Variants in RYR1 observed in about 807,000 individuals in gnomAD.
RYR1 encodes ryanodine receptor 1.
In RYR1, 342 loss-of-function variants were observed where a neutral mutation model predicts 583.5. The ratio of observed to expected loss-of-function variants is 0.59; its 90% CI spans 0.54 to 0.64. The LOEUF (loss-of-function observed/expected upper bound fraction) is 0.64. Ranked by LOEUF, RYR1 falls within the 30% of genes least tolerant of loss-of-function variation. The pLI is 0.00. For missense variants in RYR1, 6,032 were observed against 6,917.2 expected, an observed-to-expected ratio of 0.87 and a Z score of 4.54; for synonymous variants, 2,791 against 2,822.5, an observed-to-expected ratio of 0.99 and a Z score of 0.35.
intron 88 of RYR1, among the ~76,000 whole-genome samples, chr19:38,547,730 T>C (rs1972494076): frequency 6.6e-6 from 1 of 151,908 alleles, no homozygotes; most frequent in Admixed American, 6.6e-5. Context: ...TTTTTTTTTT[T>C]TTTGAGACAG....
At chr19:38,532,761 A>T in intron 78 of RYR1, 25 bp downstream of exon 78, 1 of 1,611,992 alleles carries the variant, frequency 6.2e-7, no homozygotes, top group Non-Finnish European at 8.5e-7. Flanking sequence ...GAGGTCCTGG[A>T]GGGAAGGGAT....
Position 38,433,760 on chromosome 19 carries a change from C to CA in RYR1, c.-70_-69insA. The CA allele has an allele frequency of 1.3e-6, 1 of 755,084 alleles. No homozygotes were observed. The highest frequency in any genetic ancestry group is 2.4e-6 in the Non-Finnish European group (1 of 414,124). The allele number at this position is 755,084 out of a possible 1,614,324, so 46.8% of individuals were successfully genotyped here. A position where few individuals can be genotyped will look rare whatever the true frequency, so the allele number is the denominator to read the frequency against. ...CTCCGACCCCAGCCCGCCCCCAGCC[C>CA]TCCCGCCCAGCCCGCAGCCCCCTCC... On this transcript the variant is annotated 5_prime_UTR_variant, in exon 1 of 106. Transcript: ENST00000359596.
chr19:38,515,415 G>T (rs1267941558), intron 64 of RYR1, among the ~76,000 whole-genome samples: 2 of 152,210 alleles, frequency 1.3e-5, no homozygotes, highest in Non-Finnish European at 2.9e-5. Context: ...GCCCCTGGCA[G>T]TGGCCATGTG....
rs374541472 is a variant in RYR1, at chr19:38,499,448, A to G, written c.7028-187A>G. Among the ~76,000 whole-genome samples the G allele has an allele frequency of 1.5e-4, 18 of 117,808 alleles. No individual in the cohort carries two copies. The East Asian group carries it at 1.7e-3, about 11-fold the overall frequency. 77.3% of individuals were successfully genotyped at this position (117,808 alleles called of 152,430 possible). On this transcript the variant is annotated intron_variant, in intron 43 of 105. Transcript: ENST00000359596. The surrounding 1 kb of genome is among the most constrained non-coding windows in gnomAD (Gnocchi z 7.3). ...AGTGTTGGATCCTGGGGCTGGCGGG[A>G]GCCTGGTGTTACCCCTAGAGGTGTT...
chr19:38,581,800 G>T (rs189116097), intron 101 of RYR1, among the ~76,000 whole-genome samples: 32 of 150,974 alleles, frequency 2.1e-4, no homozygotes, highest in Middle Eastern at 3.5e-3. Flanking sequence ...AGGTGGGGGG[G>T]TCTCACAATG....
intron 17 of RYR1, 40 bp from the exon 18 acceptor site, chr19:38,458,011 C>T (rs200967816): frequency 2.5e-6 from 4 of 1,608,920 alleles, no homozygotes; most frequent in East Asian, 2.2e-5. Flanking sequence ...TCCTCTCTGC[C>T]TCTCCGTCAT....
chr19:38,457,662 A>G (rs751715731), intron 17 of RYR1, 32 bp downstream of exon 17: 1 of 1,609,448 alleles, frequency 6.2e-7, no homozygotes, highest in South Asian at 1.1e-5. Context: ...CCCAGAACTC[A>G]GAACCTCTCA....
rs758581023 is a variant in RYR1 at position 38,458,308 on chromosome 19, C to T, written c.2167+16C>T. Reference sequence around the variant, plus strand: ...CTCTGGACAGGTACCTGACCCCTTCCAGGGGACCCTCACCCCTGACCATTG... The same window carrying T: ...CTCTGGACAGGTACCTGACCCCTTCTAGGGGACCCTCACCCCTGACCATTG... On this transcript the variant is annotated intron_variant, in intron 18 of 105. Coordinates refer to ENST00000359596, the MANE Select transcript of RYR1 (RefSeq NM_000540.3). 1 of 1,612,224 alleles carries T rather than the reference C, an allele frequency of 6.2e-7. No homozygotes were observed. The highest frequency in any genetic ancestry group is 8.5e-7 in the Non-Finnish European group (1 of 1,178,784).
chr19:38,492,740 G>A, intron 38 of RYR1, 104 bp downstream of exon 38: 2 of 1,217,880 alleles, frequency 1.6e-6, no homozygotes, highest in Non-Finnish European at 2.3e-6. Flanking sequence ...ATGCAAGGGA[G>A]GGGTAGATAG....
chr19:38,455,191 G>A, intron 13 of RYR1, 44 bp from the exon 14 acceptor site: 1 of 1,609,018 alleles, frequency 6.2e-7, no homozygotes, highest in Non-Finnish European at 8.5e-7. Context: ...GGAAGGGAGG[G>A]CCTGGGTCTC....
At chr19:38,459,452 A>G in intron 19 of RYR1, 114 bp downstream of exon 19, 1 of 986,096 alleles carries the variant, frequency 1.0e-6, no homozygotes, top group Non-Finnish European at 1.6e-6. Context: ...GCCTACCATC[A>G]AGACTGACTG....
In RYR1 at chr19:38,496,462, C is replaced by T. The variant is rs143102497; in HGVS notation, c.6717C>T (p.Phe2239=). ...VTSCCRFLCY[F]CRISRQNQRS... ...GCTGCTGCCGCTTCCTCTGCTATTT[C>T]TGCCGAATCAGCCGGCAGAACCAGC... The change falls in exon 41 of 106, where the codon TTC becomes TTT. Residue 2239 remains phenylalanine (F), a synonymous_variant. Coordinates refer to ENST00000359596, the MANE Select transcript of RYR1 (RefSeq NM_000540.3). The surrounding 1 kb of genome is among the most constrained non-coding windows in gnomAD (Gnocchi z 4.8). The T allele has an allele frequency of 5.0e-6, 8 of 1,613,732 alleles. No individual in the cohort carries two copies. Among genetic ancestry groups the T allele is most frequent in the African/African-American group, 1.3e-5 (1 of 74,942 alleles).
intron 97 of RYR1, among the ~76,000 whole-genome samples, chr19:38,577,269 G>A (rs1166631080): frequency 2.0e-5 from 3 of 152,080 alleles, no homozygotes; most frequent in Non-Finnish European, 4.4e-5. Flanking sequence ...CAACCCTACA[G>A]GGTTGTTGTA....
At position 38,540,120 on chromosome 19, in the gene RYR1, G is replaced by A. The variant is rs986427245; in HGVS notation, c.11689+2160G>A. Among the ~76,000 whole-genome samples the A allele has an allele frequency of 2.0e-5, 3 of 152,048 alleles. No homozygotes were observed. In the East Asian group the frequency reaches 5.8e-4, roughly 29 times the overall value. On this transcript the variant is annotated intron_variant, in intron 84 of 105. Transcript: ENST00000359596. Reference sequence around the variant, plus strand: ...AGTTAAGGGGAAAGAAAAACGGGGGGCAAAAATACTTTCAGGGGCTGTTAA... The same window carrying A: ...AGTTAAGGGGAAAGAAAAACGGGGGACAAAAATACTTTCAGGGGCTGTTAA...
chr19:38,516,965 G>A (rs767982044), intron 65 of RYR1, among the ~76,000 whole-genome samples: 1 of 152,154 alleles, frequency 6.6e-6, no homozygotes, highest in Non-Finnish European at 1.5e-5. Flanking sequence ...ACAGGTTGTC[G>A]GTTTCAAGGG....
Position 38,500,405 on chromosome 19 carries a change from A to T in RYR1, c.7324-201A>T, listed in dbSNP as rs924380511. Among the ~76,000 whole-genome samples the T allele has an allele frequency of 7.6e-5, 7 of 92,654 alleles. No individual in the cohort carries two copies. The highest frequency in any genetic ancestry group is 2.9e-4 in the African/African-American group (7 of 23,876). The allele number at this position is 92,654 out of a possible 152,430, so 60.8% of individuals were successfully genotyped here. ...AGGGGTCGCAGGGAGAGGGGTCAGG[A>T]TGAGGTTGGGGGGAACAAGGAGAGA... On this transcript the variant is annotated intron_variant, in intron 45 of 105. Coordinates refer to ENST00000359596, the MANE Select transcript of RYR1 (RefSeq NM_000540.3). The surrounding 1 kb of genome is among the most constrained non-coding windows in gnomAD (Gnocchi z 5.9).
intron 13 of RYR1, among the ~76,000 whole-genome samples, chr19:38,454,038 G>A (rs988396861): frequency 1.3e-5 from 2 of 152,156 alleles, no homozygotes; most frequent in African/African-American, 4.8e-5. Flanking sequence ...CAATTGTTTT[G>A]TTTTGTCTTG....
At chr19:38,498,625 G>A (rs80241095) in intron 42 of RYR1, among the ~76,000 whole-genome samples, 3 of 152,304 alleles carry the variant, frequency 2.0e-5, no homozygotes, top group African/African-American at 7.2e-5. Flanking sequence ...ATGATATGCT[G>A]TTTAGCATAA....
chr19:38,568,198 C>T lies in RYR1; in HGVS notation c.13659+281C>T, dbSNP rs376457309. Reference sequence around the variant, plus strand: ...CACCCACCCACACTTCCACCTCCATCCTCTGTCCAGAGCTACATTCAGTGA... The same window carrying T: ...CACCCACCCACACTTCCACCTCCATTCTCTGTCCAGAGCTACATTCAGTGA... On this transcript the variant is annotated intron_variant, in intron 93 of 105. Coordinates refer to ENST00000359596, the MANE Select transcript of RYR1 (RefSeq NM_000540.3). 1.9e-4 allele frequency among the ~76,000 whole-genome samples: 29 copies of T among 152,344 alleles called. No individual in the cohort carries two copies. The East Asian group carries it at 4.8e-3, about 25-fold the overall frequency.
Sources: allele counts gnomAD v4.1 joint callset (sites outside exome capture counted in the v4.1 genomes callset), GRCh38; gene constraint gnomAD v4.1.1; non-coding constraint Gnocchi (gnomAD v3.1); transcripts MANE v1.5; gene names NCBI Gene and HGNC (gene_info 2026-07-23, HGNC 2026-07-21).